Variants in PRXL2C observed in about 807,000 individuals in gnomAD.
PRXL2C encodes peroxiredoxin like 2C, also known as peroxiredoxin-like 2C.
Under a neutral mutation model 24.9 loss-of-function variants are expected in PRXL2C, and 38 were observed. The observed-to-expected ratio is 1.53, with a 90% confidence interval of 1.18 to 2.00. PRXL2C has a LOEUF of 2.00. Among genes scored for constraint, PRXL2C ranks in the 30% most tolerant of loss-of-function variants. The pLI is 0.00. For missense variants in PRXL2C, 294 were observed against 290.9 expected (o/e 1.01, Z -0.08); for synonymous variants, 98 against 117.2 (o/e 0.84, Z 1.06).
Position 96,655,211 on chromosome 9 carries a change from G to A in PRXL2C, c.71C>T (p.Pro24Leu). ...AAALVPAPSG[P>L]DSGQPLAAAV... ...GGCCGCCAGGGGCTGCCCGCTGTCG[G>A]GGCCGCTCGGGGCCGGGACCAGGGC... Residue 24 changes from proline to leucine, a missense_variant, in exon 1 of 6, where the codon CCC (proline) becomes CTC (leucine). Transcript: ENST00000375234. The A allele has an allele frequency of 8.6e-7, 1 of 1,163,676 alleles. No homozygotes were observed. The highest frequency in any genetic ancestry group is 1.1e-6 in the Non-Finnish European group (1 of 945,728). The allele number at this position is 1,163,676 out of a possible 1,614,324, so 72.1% of individuals were successfully genotyped here.
rs1848191960 is a variant in PRXL2C at position 96,645,805 on chromosome 9, A to G, written c.553+88T>C. ...GAGCGAGACTCCCTCTCGAAAAAAA[A>G]AAAAAAGGAAAAGAAAAGAAAATGG... On this transcript the variant is annotated intron_variant, in intron 5 of 5. Transcript: ENST00000375234. 4.1e-6 allele frequency: 6 copies of G among 1,457,004 alleles called. No homozygotes were observed. The Admixed American group carries it at 1.4e-4, about 35-fold the overall frequency. 90.3% of individuals were successfully genotyped at this position (1,457,004 alleles called of 1,614,324 possible).
intron 4 of PRXL2C, among the ~76,000 whole-genome samples, chr9:96,650,725 C>T (rs1848254499): frequency 6.6e-6 from 1 of 152,072 alleles, no homozygotes; most frequent in African/African-American, 2.4e-5. Context: ...GTAAAATATA[C>T]TTGTAAAAAA....
intron 4 of PRXL2C, among the ~76,000 whole-genome samples, 187 bp downstream of exon 4, chr9:96,651,203 G>A (rs1302811933): frequency 1.3e-5 from 2 of 150,820 alleles, no homozygotes; most frequent in South Asian, 2.1e-4. Context: ...ATTCGAACCC[G>A]GGAGGTGGAG....
intron 4 of PRXL2C, 36 bp downstream of exon 4, chr9:96,651,354 A>T: frequency 7.2e-7 from 1 of 1,398,118 alleles, no homozygotes; most frequent in African/African-American, 1.4e-5. Context: ...AACATACACC[A>T]CCAGTGTTTT....
chr9:96,654,765 C>G lies in PRXL2C; in HGVS notation c.201G>C (p.Leu67=). The G allele has an allele frequency of 6.4e-7, 1 of 1,563,360 alleles. No individual in the cohort carries two copies. Among genetic ancestry groups the G allele is most frequent in the South Asian group, 1.2e-5 (1 of 84,764 alleles). The part of the protein sequence containing the change: ...RAVVVFVRHF[L]CYICKEYVED... The stretch of plus-strand genomic sequence containing the variant: ...CTACGTATTCCTTGCAGATGTAACA[C>G]AGGAAATGCTGAAAGCCAAAACGGC... The change falls in exon 2 of 6, where the codon CTG becomes CTC. Residue 67 remains leucine (L), a synonymous_variant. Transcript: ENST00000375234.
intron 5 of PRXL2C, 133 bp downstream of exon 5, chr9:96,645,760 G>T: frequency 9.8e-7 from 1 of 1,023,696 alleles, no homozygotes; most frequent in Non-Finnish European, 1.4e-6. Flanking sequence ...TTGCGCCACT[G>T]CACTCCAGCC....
intron 4 of PRXL2C, among the ~76,000 whole-genome samples, chr9:96,649,165 T>C (rs1232073482): frequency 6.6e-6 from 1 of 152,176 alleles, no homozygotes; most frequent in Admixed American, 6.5e-5. Flanking sequence ...GTTCACAATC[T>C]GTACTGCTAT....
In PRXL2C at chr9:96,644,881, C is replaced by CTTTTTTTTTTTTTTTT; in HGVS notation, c.553+996_553+1011dup. Among the ~76,000 whole-genome samples, 2 of 36,672 alleles carry CTTTTTTTTTTTTTTTT rather than the reference C, an allele frequency of 5.5e-5. 1 individual carries two copies. Among genetic ancestry groups the CTTTTTTTTTTTTTTTT allele is most frequent in the Non-Finnish European group, 1.3e-4 (2 of 15,318 alleles). 24.1% of individuals were successfully genotyped at this position (36,672 alleles called of 152,430 possible). On this transcript the variant is annotated intron_variant, in intron 5 of 5. Coordinates refer to ENST00000375234, the MANE Select transcript of PRXL2C (RefSeq NM_153698.2). The stretch of plus-strand genomic sequence containing the variant: ...TTAGGTATAAATAACTACATGGATT[C>CTTTTTTTTTTTTTTTT]TTTTTTTTTTTTTTTTTTTTTTTTT...
intron 2 of PRXL2C, among the ~76,000 whole-genome samples, chr9:96,653,583 C>A (rs747984820): frequency 1.6e-4 from 24 of 152,128 alleles, no homozygotes; most frequent in Admixed American, 1.3e-4. Flanking sequence ...AGTTTTTACA[C>A]GCTGTCATCA....
intron 4 of PRXL2C, among the ~76,000 whole-genome samples, chr9:96,649,112 A>G (rs1332759882): frequency 6.6e-6 from 1 of 152,034 alleles, no homozygotes; most frequent in Non-Finnish European, 1.5e-5. Flanking sequence ...ACACATGTTG[A>G]GACTCTGTTA....
Position 96,653,102 on chromosome 9 carries a change from TGTTA to T in PRXL2C, c.262-1394_262-1391del, listed in dbSNP as rs1848294635. The stretch of plus-strand genomic sequence containing the variant: ...TTAGCCGGGCGTGGTGGCGGGCGCC[TGTTA>T]GTCCCAGCTACTCAGGAGGCTGAGG... On this transcript the variant is annotated intron_variant, in intron 2 of 5. Transcript: ENST00000375234. Among the ~76,000 whole-genome samples the T allele has an allele frequency of 3.3e-5, 5 of 151,762 alleles. No individual in the cohort carries two copies. The South Asian group carries it at 1.0e-3, about 32-fold the overall frequency.
intron 1 of PRXL2C, 62 bp from the exon 2 acceptor site, chr9:96,654,835 TC>T: frequency 6.8e-7 from 1 of 1,464,780 alleles, no homozygotes; most frequent in Non-Finnish European, 9.3e-7. Flanking sequence ...CCCCGAAGGA[TC>T]CCTGTACTTC....
At position 96,645,797 on chromosome 9, in the gene PRXL2C, G is replaced by GGA; in HGVS notation, c.553+95_553+96insTC. ...TGGCGACAGAGCGAGACTCCCTCTC[G>GGA]AAAAAAAAAAAAAAGGAAAAGAAAA... is the stretch of plus-strand genomic sequence containing the variant. On this transcript the variant is annotated intron_variant, in intron 5 of 5. Coordinates refer to ENST00000375234, the MANE Select transcript of PRXL2C (RefSeq NM_153698.2). 2.7e-6 allele frequency: 3 copies of GGA among 1,106,288 alleles called. No homozygotes were observed. The African/African-American group carries it at 5.7e-5, about 21-fold the overall frequency. The allele number at this position is 1,106,288 out of a possible 1,614,324, so 68.5% of individuals were successfully genotyped here.
chr9:96,645,531 C>A (rs1438147247), intron 5 of PRXL2C, among the ~76,000 whole-genome samples: 1 of 151,900 alleles, frequency 6.6e-6, no homozygotes. Context: ...GGCGCGGTGG[C>A]TCATGCCTGT....
intron 2 of PRXL2C, among the ~76,000 whole-genome samples, chr9:96,653,909 C>T (rs558288942): frequency 2.2e-4 from 34 of 151,300 alleles, no homozygotes; most frequent in Non-Finnish European, 3.4e-4. Context: ...GGTGCAATTT[C>T]GGCTCACTGC....
At chr9:96,643,372 T>C (rs1848145487) in intron 5 of PRXL2C, among the ~76,000 whole-genome samples, 2 of 152,136 alleles carry the variant, frequency 1.3e-5, no homozygotes, top group Admixed American at 1.3e-4. Context: ...TCAGCCTCCC[T>C]AGTAGCTGGA....
rs552463650 is a variant in PRXL2C at position 96,640,039 on chromosome 9, G to C, written c.*1720C>G. 80 of 151,004 alleles carry C rather than the reference G, an allele frequency of 5.3e-4. No individual in the cohort carries two copies. The highest frequency in any genetic ancestry group is 1.9e-3 in the African/African-American group (76 of 40,852). The allele number at this position is 151,004 out of a possible 1,614,324, so 9.4% of individuals were successfully genotyped here. A position where few individuals can be genotyped will look rare whatever the true frequency, so the allele number is the denominator to read the frequency against. On this transcript the variant is annotated 3_prime_UTR_variant, in exon 6 of 6. Coordinates refer to ENST00000375234, the MANE Select transcript of PRXL2C (RefSeq NM_153698.2). ...ACCCGGGAGGTGGAGGTTGCAGTGA[G>C]CCGAGATCGTGCCATTGCACTCCAT...
chr9:96,645,573 G>A (rs910455275), intron 5 of PRXL2C, among the ~76,000 whole-genome samples: 5 of 151,818 alleles, frequency 3.3e-5, no homozygotes, highest in African/African-American at 4.8e-5. Flanking sequence ...CGAGGTGGGT[G>A]GATCACGAGG....
In PRXL2C at chr9:96,640,124, A is replaced by C. The variant is rs2119164322; in HGVS notation, c.*1635T>G. ...AAAAAAAAAAATTCTAGAAAAATGA[A>C]AGATAACAAGTCTCCCAAATAAGAG... On this transcript the variant is annotated 3_prime_UTR_variant, in exon 6 of 6. Coordinates refer to ENST00000375234, the MANE Select transcript of PRXL2C (RefSeq NM_153698.2). The C allele has an allele frequency of 6.6e-6, 1 of 152,302 alleles. No individual in the cohort carries two copies. Among genetic ancestry groups the C allele is most frequent in the African/African-American group, 2.4e-5 (1 of 41,526 alleles). The allele number at this position is 152,302 out of a possible 1,614,324, so 9.4% of individuals were successfully genotyped here. A position where few individuals can be genotyped will look rare whatever the true frequency, so the allele number is the denominator to read the frequency against.
Sources: allele counts gnomAD v4.1 joint callset (sites outside exome capture counted in the v4.1 genomes callset), GRCh38; gene constraint gnomAD v4.1.1; transcripts MANE v1.5; gene names NCBI Gene and HGNC (gene_info 2026-07-23, HGNC 2026-07-21).